The following NAT2 variants were observed in gnomAD, a reference collection of about 807,000 sequenced individuals.
NAT2 encodes the protein arylamine N-acetyltransferase 2.
For missense variants in NAT2, 428 were observed against 339.1 expected, an observed-to-expected ratio of 1.26 and a Z score of -2.06; for synonymous variants, 137 against 125.9, an observed-to-expected ratio of 1.09 and a Z score of -0.59.
chr8:18,399,354 C>G (rs1310630299), intron 1 of NAT2, among the ~76,000 whole-genome samples: 1 of 152,188 alleles, frequency 6.6e-6, no homozygotes, highest in Non-Finnish European at 1.5e-5. Flanking sequence ...CACAATCTAA[C>G]AGACTGCATG....
At chr8:18,393,579 T>C (rs1274324038) in intron 1 of NAT2, among the ~76,000 whole-genome samples, 1 of 152,242 alleles carries the variant, frequency 6.6e-6, no homozygotes, top group East Asian at 1.9e-4. Flanking sequence ...TGTCCCAGAT[T>C]TCCCTGGAAG....
upstream of NAT2, among the ~76,000 whole-genome samples, chr8:18,390,852 A>C (rs1427388811): frequency 6.6e-6 from 1 of 152,174 alleles, no homozygotes; most frequent in East Asian, 1.9e-4. Context: ...AGATGAAAAG[A>C]GGCAGAAGAA....
upstream of NAT2, among the ~76,000 whole-genome samples, chr8:18,390,655 T>A (rs1052884938): frequency 1.3e-5 from 2 of 152,142 alleles, no homozygotes; most frequent in Non-Finnish European, 2.9e-5. Context: ...ATGGTGTGGA[T>A]AATTATATTA....
At position 18,400,357 on chromosome 8, in the gene NAT2, T is replaced by C. The variant is rs146405047; in HGVS notation, c.354T>C (p.Asn118=). 7 of 1,612,804 alleles carry C rather than the reference T, an allele frequency of 4.3e-6. No individual in the cohort carries two copies. The African/African-American group carries it at 6.7e-5, about 15-fold the overall frequency. ...TGCAGGTGACCATTGACGGCAGGAA[T>C]TACATTGTCGATGCTGGGTCTGGAA... ...LLLQVTIDGR[N]YIVDAGSGSS... The change falls in exon 2 of 2, where the codon AAT becomes AAC. Residue 118 remains asparagine, a synonymous_variant. Transcript: ENST00000286479.
chr8:18,393,377 A>G (rs950055937), intron 1 of NAT2, among the ~76,000 whole-genome samples: 2 of 152,130 alleles, frequency 1.3e-5, no homozygotes, highest in African/African-American at 4.8e-5. Context: ...TCTACGTCCC[A>G]TTCCAGGAGG....
upstream of NAT2, among the ~76,000 whole-genome samples, chr8:18,386,419 T>C (rs1800507580): frequency 6.6e-6 from 1 of 152,132 alleles, no homozygotes; most frequent in Non-Finnish European, 1.5e-5. Flanking sequence ...CTTTGAATTT[T>C]GAGCTGCGGA....
At chr8:18,393,945 C>G (rs922316063) in intron 1 of NAT2, among the ~76,000 whole-genome samples, 3 of 152,216 alleles carry the variant, frequency 2.0e-5, no homozygotes, top group African/African-American at 7.2e-5. Flanking sequence ...GACATAGTTT[C>G]ATGCACATCC....
chr8:18,398,509 G>C (rs777302800), intron 1 of NAT2, among the ~76,000 whole-genome samples: 4 of 152,160 alleles, frequency 2.6e-5, no homozygotes, highest in Non-Finnish European at 5.9e-5. Context: ...GGGACTGAGA[G>C]ATAGGAGGCC....
At chr8:18,395,031 G>T (rs1293240374) in intron 1 of NAT2, among the ~76,000 whole-genome samples, 2 of 151,990 alleles carry the variant, frequency 1.3e-5, no homozygotes, top group Non-Finnish European at 2.9e-5. Context: ...AACAAAAGTG[G>T]CAATGTTTCA....
At chr8:18,392,726 C>A (rs1016710578) in intron 1 of NAT2, among the ~76,000 whole-genome samples, 2 of 152,108 alleles carry the variant, frequency 1.3e-5, no homozygotes, top group Non-Finnish European at 2.9e-5. Flanking sequence ...GAATGAAGAC[C>A]CAACTTCCCA....
chr8:18,388,837 G>A (rs1481796009), upstream of NAT2, among the ~76,000 whole-genome samples: 2 of 152,208 alleles, frequency 1.3e-5, no homozygotes, highest in Admixed American at 6.5e-5. Context: ...TGTATGGTGA[G>A]GAAGTACTCA....
At position 18,400,775 on chromosome 8, in the gene NAT2, C is replaced by G. The variant is rs764579294; in HGVS notation, c.772C>G (p.Leu258Val). 6.2e-7 allele frequency: 1 copy of G among 1,613,368 alleles called. No homozygotes were observed. The highest frequency in any genetic ancestry group is 8.5e-7 in the Non-Finnish European group (1 of 1,179,856). The change falls in exon 2 of 2, where the codon CTC becomes GTC. Residue 258 changes from leucine to valine, a missense_variant. Physicochemically the swap from Leu to Val is conservative, Grantham distance 32. Transcript: ENST00000286479. ...TACAGATCTGGTCGAGTTTAAAACTCTCACTGAGGAAGAGGTTGAAGAAGT... is the reference window on the plus strand; with the variant it reads ...TACAGATCTGGTCGAGTTTAAAACTGTCACTGAGGAAGAGGTTGAAGAAGT... ...DNTDLVEFKT[L>V]TEEEVEEVLR...
upstream of NAT2, among the ~76,000 whole-genome samples, chr8:18,389,939 A>G (rs4646242): frequency 0.27 from 41,013 of 152,138 alleles, 5,736 homozygotes; most frequent in South Asian, 0.35. Flanking sequence ...GTGCGGGAGT[A>G]TAACAGTGAA....
upstream of NAT2, among the ~76,000 whole-genome samples, chr8:18,387,975 G>C (rs1800532428): frequency 6.6e-6 from 1 of 152,174 alleles, no homozygotes. Flanking sequence ...CCTCACTTCA[G>C]TTAGGCCCTT....
chr8:18,386,673 G>C (rs942857082), upstream of NAT2, among the ~76,000 whole-genome samples: 1 of 152,024 alleles, frequency 6.6e-6, no homozygotes. Context: ...CTGTGAACAC[G>C]GGCAGGGGAA....
At chr8:18,394,091 A>C (rs1225560522) in intron 1 of NAT2, among the ~76,000 whole-genome samples, 1 of 152,120 alleles carries the variant, frequency 6.6e-6, no homozygotes, top group Non-Finnish European at 1.5e-5. Context: ...ATTTGGATAG[A>C]TAAAAGAAAA....
upstream of NAT2, among the ~76,000 whole-genome samples, chr8:18,390,077 G>A (rs924493731): frequency 6.6e-5 from 10 of 152,192 alleles, no homozygotes; most frequent in Admixed American, 3.9e-4. Flanking sequence ...TCCCACCTTA[G>A]CATGTAGAAC....
intron 1 of NAT2, among the ~76,000 whole-genome samples, chr8:18,392,666 A>G (rs895967529): frequency 2.6e-5 from 4 of 152,192 alleles, no homozygotes; most frequent in Non-Finnish European, 5.9e-5. Context: ...GAATCCTTCA[A>G]TCCAATCAAG....
rs1015371686 is a variant in NAT2 at position 18,400,777 on chromosome 8, C to A, written c.774C>A (p.Leu258=). The change falls in exon 2 of 2, where the codon CTC becomes CTA. Residue 258 remains leucine (L), a synonymous_variant. Coordinates refer to ENST00000286479, the MANE Select transcript of NAT2 (RefSeq NM_000015.3). Reference sequence around the variant, plus strand: ...CAGATCTGGTCGAGTTTAAAACTCTCACTGAGGAAGAGGTTGAAGAAGTGC... The same window carrying A: ...CAGATCTGGTCGAGTTTAAAACTCTAACTGAGGAAGAGGTTGAAGAAGTGC... ...DNTDLVEFKT[L]TEEEVEEVLR... is the part of the protein sequence containing the mutation. 1 of 1,613,282 alleles carries A rather than the reference C, an allele frequency of 6.2e-7. No individual in the cohort carries two copies. Among genetic ancestry groups the A allele is most frequent in the Non-Finnish European group, 8.5e-7 (1 of 1,179,824 alleles).
Sources: gnomAD v4.1 joint callset for allele counts (sites outside exome capture counted in the v4.1 genomes callset) on GRCh38, gnomAD v4.1.1 for gene constraint, MANE v1.5 for transcripts, NCBI Gene and HGNC (gene_info 2026-07-23, HGNC 2026-07-21) for gene names.